TDRD7: variants seen among roughly 807,000 people sequenced by gnomAD.
TDRD7 encodes tudor domain containing 7.
TDRD7 carries 47 observed loss-of-function variants against 109.8 expected under a neutral mutation model. That is an observed-to-expected ratio of 0.43 (90% CI 0.34 to 0.55). The LOEUF is 0.55. Among genes scored for constraint, TDRD7 ranks in the 20% least tolerant of loss-of-function variants. TDRD7 has a pLI of 0.03. For missense variants in TDRD7, 1,164 were observed against 1,319.2 expected, an observed-to-expected ratio of 0.88 and a Z score of 1.82; for synonymous variants, 424 against 457.3, an observed-to-expected ratio of 0.93 and a Z score of 0.93.
intron 6 of TDRD7, among the ~76,000 whole-genome samples, chr9:97,453,451 A>C (rs1011583794): frequency 6.6e-6 from 1 of 152,150 alleles, no homozygotes; most frequent in African/African-American, 2.4e-5. Flanking sequence ...AAGTGTGTGA[A>C]TCCTTCATTG....
In TDRD7 at chr9:97,460,257, A is replaced by G. The variant is rs1050113268; in HGVS notation, c.935A>G (p.Asp312Gly). The change falls in exon 7 of 17, where the codon GAT (aspartate) becomes GGT (glycine). Residue 312 changes from aspartate (D) to glycine (G), a missense_variant. Coordinates refer to ENST00000355295, the MANE Select transcript of TDRD7 (RefSeq NM_014290.3). Reference protein sequence around the residue: ...KRKQLLRSELDTEKVPLSPLP... With the variant: ...KRKQLLRSELGTEKVPLSPLP... ...AAGCAGCTTTTGAGAAGTGAACTGG[A>G]TACTGAGAAAGTACCTCTATCCCCA... The G allele has an allele frequency of 1.9e-6, 3 of 1,614,116 alleles. No homozygotes were observed. The highest frequency in any genetic ancestry group is 1.1e-5 in the South Asian group (1 of 91,088).
intron 6 of TDRD7, among the ~76,000 whole-genome samples, chr9:97,453,970 TGTCAATATTAG>T (rs1828555446): frequency 2.0e-5 from 3 of 152,164 alleles, no homozygotes. Flanking sequence ...AACACCCCGC[TGTCAATATTAG>T]ACCAACAAGA....
At chr9:97,469,962 T>C (rs1452454435) in intron 8 of TDRD7, among the ~76,000 whole-genome samples, 1 of 152,002 alleles carries the variant, frequency 6.6e-6, no homozygotes, top group East Asian at 1.9e-4. Flanking sequence ...AAAAAATAGG[T>C]ACGCCTGTTT....
chr9:97,433,662 T>C (rs566618959), intron 4 of TDRD7, among the ~76,000 whole-genome samples: 61 of 152,062 alleles, frequency 4.0e-4, no homozygotes, highest in African/African-American at 1.4e-3. Context: ...CTCAACTCAA[T>C]AGCAAGAAAA....
rs755147837 is a variant in TDRD7, at chr9:97,441,814, A to G, written c.794A>G (p.Tyr265Cys). The G allele has an allele frequency of 3.5e-5, 57 of 1,613,846 alleles. No individual in the cohort carries two copies. The highest frequency in any genetic ancestry group is 4.7e-5 in the Non-Finnish European group (55 of 1,179,832). ...SKLPHFYKEL[Y>C]KEDLNQGILQ... is the part of the protein sequence containing the mutation. ...CTTCCACATTTTTACAAAGAGTTATATAAAGAAGACCTTAATCAAGGAATT... is the reference window on the plus strand; with the variant it reads ...CTTCCACATTTTTACAAAGAGTTATGTAAAGAAGACCTTAATCAAGGAATT... Residue 265 changes from tyrosine (Y) to cysteine (C), a missense_variant, in exon 6 of 17, where the codon TAT (tyrosine) becomes TGT (cysteine). By Grantham distance (194) the Tyr-to-Cys change is radical. Coordinates refer to ENST00000355295, the MANE Select transcript of TDRD7 (RefSeq NM_014290.3).
intron 5 of TDRD7, among the ~76,000 whole-genome samples, chr9:97,441,456 A>G (rs568773346): frequency 3.3e-5 from 5 of 152,298 alleles, no homozygotes; most frequent in African/African-American, 9.6e-5. Flanking sequence ...TTGACCCACA[A>G]GAAACACTGC....
intron 6 of TDRD7, 32 bp from the exon 7 acceptor site, chr9:97,460,146 T>TA (rs1564205834): frequency 6.3e-7 from 1 of 1,588,378 alleles, no homozygotes; most frequent in Non-Finnish European, 8.6e-7. Context: ...GTCACTGAAA[T>TA]ATCTGTCATT....
chr9:97,483,489 C>A, intron 15 of TDRD7, 138 bp downstream of exon 15: 2 of 1,074,014 alleles, frequency 1.9e-6, no homozygotes, highest in Non-Finnish European at 2.6e-6. Context: ...GTAATTTTTC[C>A]GATTTTCTAG....
At chr9:97,455,569 A>G (rs1186574635) in intron 6 of TDRD7, among the ~76,000 whole-genome samples, 5 of 152,264 alleles carry the variant, frequency 3.3e-5, no homozygotes, top group African/African-American at 1.2e-4. Flanking sequence ...ACCAAAGACA[A>G]AAACCACATG....
At chr9:97,433,826 G>C (rs575733402) in intron 4 of TDRD7, among the ~76,000 whole-genome samples, 2 of 152,190 alleles carry the variant, frequency 1.3e-5, no homozygotes, top group South Asian at 2.1e-4. Context: ...TTCCCACCCA[G>C]TAGTATGTAG....
intron 7 of TDRD7, among the ~76,000 whole-genome samples, chr9:97,461,859 A>C (rs1828730810): frequency 6.6e-6 from 1 of 152,236 alleles, no homozygotes; most frequent in East Asian, 1.9e-4. Context: ...GGAAAAGCCC[A>C]AAGAAGAACC....
At chr9:97,478,254 C>G (rs1051769202) in intron 12 of TDRD7, among the ~76,000 whole-genome samples, 185 bp from the exon 13 acceptor site, 5 of 151,970 alleles carry the variant, frequency 3.3e-5, no homozygotes, top group African/African-American at 1.2e-4. Context: ...GATCAAGACT[C>G]TGTCTCAAAA....
At chr9:97,415,226 A>G (rs983056187) in intron 1 of TDRD7, among the ~76,000 whole-genome samples, 19 of 152,240 alleles carry the variant, frequency 1.2e-4, no homozygotes, top group African/African-American at 4.6e-4. Context: ...AGATGAGCCA[A>G]ATCATACAGT....
chr9:97,460,618 A>G lies in TDRD7; in HGVS notation c.1296A>G (p.Gln432=). The G allele has an allele frequency of 6.2e-7, 1 of 1,614,224 alleles. No individual in the cohort carries two copies. Among genetic ancestry groups the G allele is most frequent in the Admixed American group, 1.7e-5 (1 of 60,030 alleles). Residue 432 remains glutamine, a synonymous_variant, in exon 7 of 17, where the codon CAA becomes CAG. Coordinates refer to ENST00000355295, the MANE Select transcript of TDRD7 (RefSeq NM_014290.3). ...GDNDIKAMVE[Q]EYLQVEESIA... is the part of the protein sequence containing the mutation. Reference sequence around the variant, plus strand: ...ATGATATCAAGGCTATGGTTGAACAAGAGTATTTGCAGGTAGAAGAAAGCA... The same window carrying G: ...ATGATATCAAGGCTATGGTTGAACAGGAGTATTTGCAGGTAGAAGAAAGCA...
chr9:97,430,957 A>G lies in TDRD7; in HGVS notation c.232A>G (p.Thr78Ala). ...GEITCYAMAC[T>A]ETARIAQLVA... ...GATTACCTGCTATGCCATGGCCTGCACAGAAACTGCAAGAATTGCTCAGCT... is the reference window on the plus strand; with the variant it reads ...GATTACCTGCTATGCCATGGCCTGCGCAGAAACTGCAAGAATTGCTCAGCT... Residue 78 changes from threonine (T) to alanine (A), a missense_variant, in exon 3 of 17, where the codon ACA becomes GCA. By Grantham distance (58) the Thr-to-Ala change is moderately conservative. This residue lies in a region of TDRD7 where 101 missense variants were observed against 148.5 expected (regional missense o/e 0.68). Transcript: ENST00000355295. 1 of 1,613,858 alleles carries G rather than the reference A, an allele frequency of 6.2e-7. No individual in the cohort carries two copies. Among genetic ancestry groups the G allele is most frequent in the Non-Finnish European group, 8.5e-7 (1 of 1,179,832 alleles).
chr9:97,458,254 A>G (rs2131146490), intron 6 of TDRD7, among the ~76,000 whole-genome samples: 1 of 152,308 alleles, frequency 6.6e-6, no homozygotes, highest in East Asian at 1.9e-4. Context: ...TAAGTGATGC[A>G]TGACTGACTA....
chr9:97,462,218 G>A (rs1828737940), intron 7 of TDRD7, among the ~76,000 whole-genome samples: 1 of 152,096 alleles, frequency 6.6e-6, no homozygotes, highest in Non-Finnish European at 1.5e-5. Flanking sequence ...AGTAACTGTT[G>A]GTGCCATAGT....
intron 3 of TDRD7, 104 bp from the exon 4 acceptor site, chr9:97,431,921 C>T: frequency 9.4e-7 from 1 of 1,059,294 alleles, no homozygotes; most frequent in Non-Finnish European, 1.5e-6. Flanking sequence ...ACAAACTGTT[C>T]TGAGAATAGA....
intron 1 of TDRD7, among the ~76,000 whole-genome samples, chr9:97,421,893 G>T (rs1271953612): frequency 2.6e-5 from 4 of 151,984 alleles, no homozygotes; most frequent in Non-Finnish European, 4.4e-5. Context: ...AAAAGTCTTT[G>T]CCTAACCCAA....
Sources: allele counts gnomAD v4.1 joint callset (sites outside exome capture counted in the v4.1 genomes callset), GRCh38; gene constraint gnomAD v4.1.1; regional missense constraint gnomAD v4.1.1; transcripts MANE v1.5; gene names NCBI Gene and HGNC (gene_info 2026-07-23, HGNC 2026-07-21).